WLS: variants seen among roughly 807,000 people sequenced by gnomAD.
WLS encodes protein wntless homolog.
A neutral mutation model predicts 62.8 loss-of-function variants in WLS; 23 were observed. The observed-to-expected ratio is 0.37, with a 90% confidence interval of 0.26 to 0.52. The LOEUF is 0.52. Ranked by LOEUF, WLS falls within the 20% of genes least tolerant of loss-of-function variation. The pLI is 0.92. For missense variants in WLS, 615 were observed against 697.3 expected (o/e 0.88, Z 1.33); for synonymous variants, 246 against 244.1 (o/e 1.01, Z -0.07).
chr1:68,158,925 T>C (rs1646935654), intron 3 of WLS, among the ~76,000 whole-genome samples, 198 bp downstream of exon 3: 1 of 152,152 alleles, frequency 6.6e-6, no homozygotes, highest in South Asian at 2.1e-4. Context: ...TTGCAGGAAA[T>C]CTTAACAGTA....
chr1:68,148,534 G>C (rs766959567), intron 7 of WLS, 29 bp downstream of exon 7: 2 of 1,606,186 alleles, frequency 1.2e-6, no homozygotes, highest in Non-Finnish European at 1.7e-6. Flanking sequence ...TGCACAGTTT[G>C]GCTCAGTGTC....
chr1:68,211,898 A>G lies in WLS; in HGVS notation c.107-17671T>C, dbSNP rs575044857. ...TTGATTCTGCCTGGCTGCATCTGGG[A>G]AATTTTTAACCCCTCGATTAGCCAT... On this transcript the variant is annotated intron_variant, in intron 1 of 11. Coordinates refer to ENST00000262348, the MANE Select transcript of WLS (RefSeq NM_024911.7). Among the ~76,000 whole-genome samples, 6 of 152,304 alleles carry G rather than the reference A, an allele frequency of 3.9e-5. No individual in the cohort carries two copies. In the East Asian group the frequency reaches 9.6e-4, roughly 24 times the overall value.
chr1:68,098,929 T>C, intron 11 of WLS: 1 of 989,872 alleles, frequency 1.0e-6, no homozygotes, highest in African/African-American at 1.6e-5. Context: ...ATTTGCAGAT[T>C]TCTCCCTTGC....
intron 1 of WLS, among the ~76,000 whole-genome samples, chr1:68,209,713 G>A (rs371059183): frequency 5.3e-5 from 8 of 152,236 alleles, no homozygotes; most frequent in South Asian, 2.1e-4. Context: ...CCTGGGAAGC[G>A]GAGGTTGCGG....
chr1:68,213,451 CAAAAAAAAAA>C (rs900446226), intron 1 of WLS, among the ~76,000 whole-genome samples: 3 of 51,186 alleles, frequency 5.9e-5, no homozygotes, highest in African/African-American at 1.5e-4. Context: ...AACTTCATTC[CAAAAAAAAAA>C]AAAAAAAAAA....
At chr1:68,183,601 C>T in intron 2 of WLS, 1 of 518,688 alleles carries the variant, frequency 1.9e-6, no homozygotes. Flanking sequence ...CACCCATCAC[C>T]ATTGTAGATA....
intron 2 of WLS, among the ~76,000 whole-genome samples, chr1:68,185,032 C>T (rs1018461709): frequency 7.2e-5 from 11 of 152,138 alleles, no homozygotes; most frequent in Admixed American, 1.3e-4. Context: ...ATGGAAGGAG[C>T]GGGGCACAGA....
chr1:68,175,512 T>A (rs1215678516), intron 2 of WLS, among the ~76,000 whole-genome samples: 1 of 152,254 alleles, frequency 6.6e-6, no homozygotes, highest in Non-Finnish European at 1.5e-5. Context: ...TAATGTATTA[T>A]TTCATGAAAT....
In WLS at chr1:68,170,300, G is replaced by A. The variant is rs186012438; in HGVS notation, c.380-11053C>T. Among the ~76,000 whole-genome samples the A allele has an allele frequency of 6.7e-3, 1,014 of 151,752 alleles. 6 individuals are homozygous for A. Among genetic ancestry groups the A allele is most frequent in the Middle Eastern group, 0.031 (9 of 294 alleles). ...CCTGCCTCAGCCTCCTGAGTAACTG[G>A]GATTACATGCATGGGCCACCATGCC... On this transcript the variant is annotated intron_variant, in intron 2 of 11. Transcript: ENST00000262348.
Position 68,183,429 on chromosome 1 carries a change from G to T in WLS, c.379+10526C>A, listed in dbSNP as rs192313625. On this transcript the variant is annotated intron_variant, in intron 2 of 11. Transcript: ENST00000262348. ...CCAATGGCCTGTTCCATCATAGCAG[G>T]GATAGTTCTTATAGTGTATAAAATC... is the stretch of plus-strand genomic sequence containing the variant. 3.8e-4 allele frequency: 140 copies of T among 367,680 alleles called. 1 individual carries two copies. In the East Asian group the frequency reaches 9.5e-3, roughly 25 times the overall value. 22.8% of individuals were successfully genotyped at this position (367,680 alleles called of 1,614,324 possible).
chr1:68,114,975 C>CT, intron 11 of WLS, among the ~76,000 whole-genome samples: 1 of 152,194 alleles, frequency 6.6e-6, no homozygotes, highest in Non-Finnish European at 1.5e-5. Flanking sequence ...CAGTGCTGGA[C>CT]TGCAGGTAGG....
At chr1:68,174,484 G>A (rs1038751517) in intron 2 of WLS, among the ~76,000 whole-genome samples, 12 of 152,142 alleles carry the variant, frequency 7.9e-5, no homozygotes, top group Admixed American at 3.3e-4. Flanking sequence ...ATAATGGACA[G>A]ATTCATAATA....
intron 2 of WLS, among the ~76,000 whole-genome samples, chr1:68,163,635 A>G (rs367704606): frequency 0.016 from 8 of 502 alleles, 1 homozygote; most frequent in African/African-American, 0.022. Flanking sequence ...CTTAATGAGG[A>G]AAAAAAAAAA....
intron 11 of WLS, among the ~76,000 whole-genome samples, chr1:68,111,663 T>A (rs1646230500): frequency 6.6e-6 from 1 of 152,216 alleles, no homozygotes; most frequent in Non-Finnish European, 1.5e-5. Flanking sequence ...TACATCTCTC[T>A]ACACATACAT....
intron 1 of WLS, among the ~76,000 whole-genome samples, chr1:68,196,298 T>G (rs948572211): frequency 5.3e-5 from 8 of 152,012 alleles, no homozygotes; most frequent in Admixed American, 4.6e-4. Context: ...ATTGTTTTCT[T>G]TATGTGGGTC....
At chr1:68,150,120 C>A in intron 6 of WLS, 68 bp downstream of exon 6, 1 of 1,529,464 alleles carries the variant, frequency 6.5e-7, no homozygotes, top group Non-Finnish European at 8.9e-7. Flanking sequence ...CAAAGGGGGG[C>A]AGGTGTCAGC....
chr1:68,211,987 C>T (rs919892529), intron 1 of WLS, among the ~76,000 whole-genome samples: 1 of 152,150 alleles, frequency 6.6e-6, no homozygotes, highest in African/African-American at 2.4e-5. Flanking sequence ...AAAAATACCT[C>T]CCCCATTCTG....
At chr1:68,153,756 G>T in intron 4 of WLS, 103 bp from the exon 5 acceptor site, 1 of 1,459,572 alleles carries the variant, frequency 6.9e-7, no homozygotes, top group African/African-American at 1.4e-5. Context: ...CCTCGTCTGC[G>T]AATGTTCACG....
At chr1:68,159,619 TG>T (rs1646945372) in intron 2 of WLS, among the ~76,000 whole-genome samples, 1 of 152,148 alleles carries the variant, frequency 6.6e-6, no homozygotes. Flanking sequence ...CCATAAAAAG[TG>T]CCTTATGTTC....
Sources: allele counts gnomAD v4.1 joint callset (sites outside exome capture counted in the v4.1 genomes callset), GRCh38; gene constraint gnomAD v4.1.1; transcripts MANE v1.5; gene names NCBI Gene and HGNC (gene_info 2026-07-23, HGNC 2026-07-21).